NBPF20: variants seen among roughly 807,000 people sequenced by gnomAD.
The protein encoded by NBPF20 is NBPF member 20, also known as NBPF family member NBPF20.
Under a neutral mutation model 68.1 loss-of-function variants are expected in NBPF20, and 90 were observed. That is an observed-to-expected ratio of 1.32 (90% CI 1.11 to 1.58). The LOEUF (loss-of-function observed/expected upper bound fraction) is 1.58. NBPF20 is among the 40% of genes most tolerant of loss of function. NBPF20 has a pLI of 0.00. For missense variants in NBPF20, 816 were observed against 601.2 expected (o/e 1.36, Z -3.74); for synonymous variants, 290 against 228.1 (o/e 1.27, Z -2.45).
rs1471094801 is a variant in NBPF20, at chr1:145,405,329, A to T, written c.-35-22T>A. On this transcript the variant is annotated intron_variant, in intron 1 of 137. Transcript: ENST00000369373. ...GGGACTGGGGAGAAGAAACCCAAAC[A>T]TATGATGGGTTAAAAACTGGTGAAA... The T allele has an allele frequency of 3.3e-6, 5 of 1,499,648 alleles. No individual in the cohort carries two copies. In the Admixed American group the frequency reaches 6.7e-5, roughly 20 times the overall value. The allele number at this position is 1,499,648 out of a possible 1,614,324, so 92.9% of individuals were successfully genotyped here.
At chr1:145,399,846 G>A (rs1361145945) in intron 6 of NBPF20, among the ~76,000 whole-genome samples, 2 of 145,604 alleles carry the variant, frequency 1.4e-5, no homozygotes, top group East Asian at 4.0e-4. Context: ...GCATTGACAG[G>A]GTGGAGAACC....
In NBPF20 at chr1:145,292,454, C is replaced by T. The variant is rs782008133; in HGVS notation, c.16624G>A (p.Gly5542Arg). The T allele has an allele frequency of 2.2e-4, 154 of 715,846 alleles. 1 individual carries two copies. Among genetic ancestry groups the T allele is most frequent in the South Asian group, 2.1e-3 (148 of 68,952 alleles). The allele number at this position is 715,846 out of a possible 1,614,324, so 44.3% of individuals were successfully genotyped here. A position where few individuals can be genotyped will look rare whatever the true frequency, so the allele number is the denominator to read the frequency against. ...CTTCTTTTCTTCTTTGATCTTCTTC[C>T]CCTTCTTTTCTTCCCCTTCCCCTTC... is the stretch of plus-strand genomic sequence containing the variant. The change falls in exon 137 of 138, where the codon GGA (glycine) becomes AGA (arginine). Residue 5542 changes from glycine (G) to arginine (R), a missense_variant. Coordinates refer to ENST00000369373, the Ensembl canonical transcript of NBPF20.
At chr1:145,402,489 G>A (rs1662569920) in intron 3 of NBPF20, 108 bp from the exon 9 acceptor site, 1 of 1,161,896 alleles carries the variant, frequency 8.6e-7, no homozygotes, top group African/African-American at 1.5e-5. Context: ...CCTCGAAGCA[G>A]AAGGTCAGCA....
At chr1:145,404,114 C>T (rs1341808159) in intron 2 of NBPF20, among the ~76,000 whole-genome samples, 2 of 141,404 alleles carry the variant, frequency 1.4e-5, no homozygotes, top group African/African-American at 5.4e-5. Context: ...AGGGTCCCTG[C>T]TTTGCACACT....
upstream of NBPF20, among the ~76,000 whole-genome samples, chr1:145,409,532 G>A (rs587606619): frequency 1.1e-4 from 16 of 148,062 alleles, no homozygotes; most frequent in South Asian, 4.5e-4. Context: ...AAAGCATGAC[G>A]AAATAACGAA....
rs1662155336 is a variant in NBPF20 at position 145,395,030 on chromosome 1, G to C, written c.939C>G (p.Ser313Arg). Residue 313 changes from serine to arginine, a missense_variant, in exon 8 of 138, where the codon AGC (serine) becomes AGG (arginine). Ser to Arg is a moderately radical substitution (Grantham distance 110, BLOSUM62 -1). Transcript: ENST00000369373. ...GCTGTTCCTCTAATGAGTGAAATGT[G>C]CTGCTGTAAGACTGGTACGAGGCCA... 24 of 1,611,490 alleles carry C rather than the reference G, an allele frequency of 1.5e-5. No homozygotes were observed. The East Asian group carries it at 5.3e-4, about 36-fold the overall frequency.
the NBPF20 span, among the ~76,000 whole-genome samples, chr1:145,416,890 T>C: frequency 4.6e-5 from 7 of 150,570 alleles, no homozygotes; most frequent in East Asian, 5.9e-4. Context: ...TTAAATGGTA[T>C]TGACAGATTA....
chr1:145,396,285 G>A (rs1441251471), intron 7 of NBPF20, among the ~76,000 whole-genome samples: 3 of 151,990 alleles, frequency 2.0e-5, no homozygotes, highest in Non-Finnish European at 2.9e-5. Context: ...GAAATGAAGC[G>A]AGAAGAGAAG....
At chr1:145,419,852 C>T in the NBPF20 span, among the ~76,000 whole-genome samples, 6 of 152,154 alleles carry the variant, frequency 3.9e-5, no homozygotes, top group Non-Finnish European at 8.8e-5. Flanking sequence ...AGAAGGCGTC[C>T]ACCACAAGGT....
At chr1:145,291,463 A>C (rs1403560087) in exon 138 of NBPF20, 18 of 1,611,966 alleles carry the variant, frequency 1.1e-5, no homozygotes, top group East Asian at 2.2e-5. Flanking sequence ...CTTTCATTCA[A>C]ATCTTCACGT....
intron 9 of NBPF20, 185 bp downstream of exon 14, chr1:145,393,699 T>C: frequency 6.9e-7 from 1 of 1,454,920 alleles, no homozygotes; most frequent in East Asian, 2.3e-5. Flanking sequence ...TAGTAAATGA[T>C]AAGGGTAGGA....
At chr1:145,291,837 T>A (rs181338093) in intron 137 of NBPF20, 68 bp from the exon 143 acceptor site, 126 of 1,610,930 alleles carry the variant, frequency 7.8e-5, no homozygotes, top group Admixed American at 5.0e-4. Context: ...CCACTAGATT[T>A]CAGAAGTCAC....
chr1:145,398,279 T>C (rs1253440339), intron 7 of NBPF20, among the ~76,000 whole-genome samples: 1 of 151,718 alleles, frequency 6.6e-6, no homozygotes, highest in East Asian at 1.9e-4. Context: ...AGAATATACA[T>C]TCTTCTCAGC....
upstream of NBPF20, among the ~76,000 whole-genome samples, chr1:145,407,535 A>G (rs1225932650): frequency 6.8e-6 from 1 of 147,508 alleles, no homozygotes; most frequent in Non-Finnish European, 1.5e-5. Flanking sequence ...GTGTATATAT[A>G]TAATACGTGT....
exon 138 of NBPF20, chr1:145,290,233 C>G (rs1443377536): frequency 1.3e-5 from 2 of 148,566 alleles, no homozygotes; most frequent in African/African-American, 5.2e-5. Context: ...CATTAGAATA[C>G]AGGATATTTA....
intron 7 of NBPF20, among the ~76,000 whole-genome samples, chr1:145,397,676 C>T (rs1662323464): frequency 2.0e-5 from 3 of 152,188 alleles, no homozygotes; most frequent in Admixed American, 1.3e-4. Flanking sequence ...ACTGCATCAA[C>T]TAATGGGCGA....
rs1448841737 is a variant in NBPF20 at position 145,366,435 on chromosome 1, G to C, written c.5154-83C>G. ...CCAACTAGGTTTCATGGGTAGCATA[G>C]GGAAGTGGTTAAAAAACTAAAAGGA... On this transcript the variant is annotated intron_variant, in intron 43 of 137. Transcript: ENST00000369373. 1.1e-4 allele frequency: 3 copies of C among 26,980 alleles called. No individual in the cohort carries two copies. In the African/African-American group the frequency reaches 2.7e-3, roughly 24 times the overall value. 1.7% of individuals were successfully genotyped at this position (26,980 alleles called of 1,614,324 possible).
intron 137 of NBPF20, 74 bp from the exon 143 acceptor site, chr1:145,291,843 G>A: frequency 1.2e-6 from 2 of 1,610,716 alleles, no homozygotes; most frequent in East Asian, 2.2e-5. Flanking sequence ...GATTTCAGAA[G>A]TCACATAAGG....
At chr1:145,424,551 C>T in the NBPF20 span, among the ~76,000 whole-genome samples, 2 of 152,158 alleles carry the variant, frequency 1.3e-5, no homozygotes, top group South Asian at 4.1e-4. Context: ...GGATGAACAA[C>T]ACTGTAACCC....
Sources: gnomAD v4.1 joint callset for allele counts (sites outside exome capture counted in the v4.1 genomes callset) on GRCh38, gnomAD v4.1.1 for gene constraint, MANE v1.5 for transcripts, NCBI Gene and HGNC (gene_info 2026-07-23, HGNC 2026-07-21) for gene names.